The following GIPC2 variants were observed in gnomAD, a reference collection of about 807,000 sequenced individuals.
The protein encoded by GIPC2 is GIPC PDZ domain containing family member 2.
In GIPC2, 30 loss-of-function variants were observed where a neutral mutation model predicts 30.6. The ratio of observed to expected loss-of-function variants is 0.98; its 90% CI spans 0.73 to 1.33. GIPC2 has a LOEUF of 1.33. Among genes scored for constraint, GIPC2 ranks in the 40% most tolerant of loss-of-function variants. The probability of loss-of-function intolerance (pLI) is 0.00; values close to 1 mark genes in which losing one functional copy is unlikely to be tolerated. For synonymous variants in GIPC2, 167 were observed against 150.0 expected, an observed-to-expected ratio of 1.11 and a Z score of -0.83; for missense variants, 414 against 390.3, an observed-to-expected ratio of 1.06 and a Z score of -0.51.
At chr1:78,119,271 G>GT in intron 3 of GIPC2, 122 bp from the exon 4 acceptor site, 1 of 583,786 alleles carries the variant, frequency 1.7e-6, no homozygotes, top group Non-Finnish European at 3.0e-6. Context: ...GAAGGCCTAC[G>GT]TTTTATCAAA....
In GIPC2 at chr1:78,095,143, G is replaced by T. The variant is rs1054340436; in HGVS notation, c.607+11G>T. The T allele has an allele frequency of 6.9e-6, 11 of 1,599,454 alleles. No individual in the cohort carries two copies. Among genetic ancestry groups the T allele is most frequent in the Middle Eastern group, 1.7e-4 (1 of 6,044 alleles). On this transcript the variant is annotated intron_variant, in intron 3 of 5. Coordinates refer to ENST00000370759, the MANE Select transcript of GIPC2 (RefSeq NM_017655.6). ...CTAAGAAGGCATTTGGTAAGTCAGG[G>T]GTTGGTGGGCGGGTGTGTGAAATGT...
chr1:78,098,488 A>C (rs1662180533), intron 3 of GIPC2, among the ~76,000 whole-genome samples: 2 of 152,188 alleles, frequency 1.3e-5, no homozygotes, highest in Non-Finnish European at 2.9e-5. Context: ...AATTATTTTT[A>C]AATTATCTAT....
At chr1:78,050,274 C>T (rs960965390) in intron 1 of GIPC2, among the ~76,000 whole-genome samples, 9 of 152,148 alleles carry the variant, frequency 5.9e-5, no homozygotes, top group African/African-American at 9.7e-5. Context: ...CCTGGAAAAA[C>T]GTCTTTTGTA....
chr1:78,123,075 T>G (rs624223), intron 4 of GIPC2, among the ~76,000 whole-genome samples: 1 of 151,618 alleles, frequency 6.6e-6, no homozygotes, highest in African/African-American at 2.4e-5. Context: ...GCCTGGCCAA[T>G]GTGATGAAAC....
At chr1:78,089,831 T>C (rs1021556923) in intron 2 of GIPC2, among the ~76,000 whole-genome samples, 1 of 152,244 alleles carries the variant, frequency 6.6e-6, no homozygotes, top group East Asian at 1.9e-4. Flanking sequence ...AAAGGGCAGA[T>C]GGTAAATATT....
At chr1:78,104,965 T>G (rs979501610) in intron 3 of GIPC2, among the ~76,000 whole-genome samples, 8 of 152,184 alleles carry the variant, frequency 5.3e-5, no homozygotes, top group African/African-American at 1.9e-4. Context: ...CTAGCTACAC[T>G]TTGGCTTAGC....
intron 1 of GIPC2, among the ~76,000 whole-genome samples, chr1:78,054,751 A>G (rs1254748149): frequency 1.3e-5 from 2 of 152,212 alleles, no homozygotes; most frequent in African/African-American, 4.8e-5. Flanking sequence ...GGAGAATCCA[A>G]CCAGCTGCCT....
Position 78,136,581 on chromosome 1 carries a change from T to C in GIPC2, c.*838T>C, listed in dbSNP as rs1037782114. ...TTTTTGTAGAGTTTTTGGAAAGATATTTACTCAAAATAACTATGCTTTAGA... is the reference window on the plus strand; with the variant it reads ...TTTTTGTAGAGTTTTTGGAAAGATACTTACTCAAAATAACTATGCTTTAGA... On this transcript the variant is annotated 3_prime_UTR_variant, in exon 6 of 6. Transcript: ENST00000370759. 5.4e-5 allele frequency: 8 copies of C among 149,102 alleles called. No homozygotes were observed. The highest frequency in any genetic ancestry group is 4.5e-5 in the Non-Finnish European group (3 of 66,976). The allele number at this position is 149,102 out of a possible 1,614,324, so 9.2% of individuals were successfully genotyped here. A position where few individuals can be genotyped will look rare whatever the true frequency, so the allele number is the denominator to read the frequency against.
chr1:78,047,034 G>T (rs551010459), intron 1 of GIPC2, among the ~76,000 whole-genome samples: 3 of 152,202 alleles, frequency 2.0e-5, no homozygotes, highest in Non-Finnish European at 4.4e-5. Flanking sequence ...TCATGAGGAA[G>T]ATCAGCTCTT....
chr1:78,125,232 A>G (rs963989495), intron 4 of GIPC2, among the ~76,000 whole-genome samples: 1 of 152,014 alleles, frequency 6.6e-6, no homozygotes, highest in African/African-American at 2.4e-5. Context: ...TAGAGATAGA[A>G]TCTTGCCATG....
At chr1:78,092,483 A>G (rs1402050870) in intron 2 of GIPC2, among the ~76,000 whole-genome samples, 1 of 152,208 alleles carries the variant, frequency 6.6e-6, no homozygotes, top group African/African-American at 2.4e-5. Flanking sequence ...AAAGTATAGC[A>G]TTAATGCCTC....
intron 5 of GIPC2, among the ~76,000 whole-genome samples, chr1:78,133,385 C>A (rs1454288175): frequency 6.6e-6 from 1 of 152,160 alleles, no homozygotes; most frequent in Non-Finnish European, 1.5e-5. Context: ...CTCAGGGCTG[C>A]AGAACTACTG....
At chr1:78,045,859 G>T, upstream of GIPC2, 1 of 1,313,950 alleles carries the variant, frequency 7.6e-7, no homozygotes, top group Non-Finnish European at 9.6e-7. Flanking sequence ...ATAGGATGAG[G>T]GACTACGTAA....
chr1:78,055,690 A>G (rs1347512970), intron 1 of GIPC2, among the ~76,000 whole-genome samples: 1 of 152,074 alleles, frequency 6.6e-6, no homozygotes, highest in African/African-American at 2.4e-5. Context: ...ACTTCCTAAG[A>G]AAGAGTCTTT....
At chr1:78,096,019 G>A (rs1045667026) in intron 3 of GIPC2, among the ~76,000 whole-genome samples, 3 of 152,172 alleles carry the variant, frequency 2.0e-5, no homozygotes, top group Admixed American at 6.5e-5. Context: ...TAAGTGACAG[G>A]TCCTAGGCAT....
At chr1:78,050,734 A>T (rs1397328775) in intron 1 of GIPC2, among the ~76,000 whole-genome samples, 1 of 151,260 alleles carries the variant, frequency 6.6e-6, no homozygotes, top group Non-Finnish European at 1.5e-5. Flanking sequence ...TCCTGGGTTC[A>T]TGCCATTGTC....
At chr1:78,053,364 C>T (rs557377342) in intron 1 of GIPC2, among the ~76,000 whole-genome samples, 3 of 152,166 alleles carry the variant, frequency 2.0e-5, no homozygotes, top group Non-Finnish European at 4.4e-5. Flanking sequence ...CCAGAACAAA[C>T]CCATGCTTTG....
chr1:78,101,552 GA>G (rs1222102789), intron 3 of GIPC2, among the ~76,000 whole-genome samples: 12 of 152,092 alleles, frequency 7.9e-5, no homozygotes, highest in South Asian at 2.1e-4. Flanking sequence ...GTGGGTCACA[GA>G]AAAAAACATT....
chr1:78,052,581 G>C (rs556826465), intron 1 of GIPC2, among the ~76,000 whole-genome samples: 4 of 152,090 alleles, frequency 2.6e-5, no homozygotes, highest in Non-Finnish European at 5.9e-5. Context: ...TTAGGTGGGG[G>C]TAGTGAGGAA....
Sources: gnomAD v4.1 joint callset for allele counts (sites outside exome capture counted in the v4.1 genomes callset) on GRCh38, gnomAD v4.1.1 for gene constraint, MANE v1.5 for transcripts, NCBI Gene and HGNC (gene_info 2026-07-23, HGNC 2026-07-21) for gene names.